CTNNA2: variants seen among roughly 807,000 people sequenced by gnomAD.
CTNNA2 encodes catenin alpha 2.
CTNNA2 carries 42 observed loss-of-function variants against 101.0 expected under a neutral mutation model. The ratio of observed to expected loss-of-function variants is 0.42; its 90% CI spans 0.32 to 0.54. The LOEUF is 0.54. CTNNA2 is among the 20% of genes least tolerant of loss of function. The pLI, the probability that CTNNA2 is intolerant of heterozygous loss-of-function variation, is 0.14. For missense variants in CTNNA2, 871 were observed against 1,223.1 expected (o/e 0.71, Z 4.29); for synonymous variants, 450 against 456.4 (o/e 0.99, Z 0.18).
At chr2:79,382,691 G>T (rs1476521278) in intron 4 of CTNNA2, among the ~76,000 whole-genome samples, 1 of 152,112 alleles carries the variant, frequency 6.6e-6, no homozygotes, top group Non-Finnish European at 1.5e-5. Flanking sequence ...TCGGCTCCCT[G>T]CAAGCTCTGC....
chr2:79,546,752 C>T (rs1215323717), intron 1 of CTNNA2, among the ~76,000 whole-genome samples: 1 of 152,150 alleles, frequency 6.6e-6, no homozygotes, highest in African/African-American at 2.4e-5. Context: ...CACTGGAATA[C>T]TGATTGATTG....
At chr2:79,340,636 G>A (rs113567005) in intron 3 of CTNNA2, among the ~76,000 whole-genome samples, 1,782 of 151,852 alleles carry the variant, frequency 0.012, 36 homozygotes, top group East Asian at 0.034. Context: ...GATAGAGACC[G>A]TCCTGGCTAA....
chr2:79,522,097 A>G (rs1558696011), intron 1 of CTNNA2, among the ~76,000 whole-genome samples: 1 of 152,228 alleles, frequency 6.6e-6, no homozygotes, highest in Admixed American at 6.5e-5. Flanking sequence ...AAGCCAAAAC[A>G]GTAATTATTT....
chr2:80,380,542 G>T (rs761477109), intron 7 of CTNNA2, among the ~76,000 whole-genome samples: 2 of 152,168 alleles, frequency 1.3e-5, no homozygotes, highest in Non-Finnish European at 2.9e-5. Context: ...ACTTTGTGTT[G>T]TCATAAGAAT....
chr2:79,306,187 A>G (rs974023427), intron 2 of CTNNA2, among the ~76,000 whole-genome samples: 1 of 152,188 alleles, frequency 6.6e-6, no homozygotes, highest in African/African-American at 2.4e-5. Context: ...AAAGAAATTG[A>G]ACTCACTCAA....
chr2:79,533,637 C>T (rs1209718160), intron 1 of CTNNA2, among the ~76,000 whole-genome samples: 1 of 152,016 alleles, frequency 6.6e-6, no homozygotes, highest in Non-Finnish European at 1.5e-5. Context: ...TTAATAATGG[C>T]ACATGTTCCT....
intron 7 of CTNNA2, among the ~76,000 whole-genome samples, chr2:79,948,536 T>G (rs1688656768): frequency 6.6e-6 from 1 of 152,218 alleles, no homozygotes; most frequent in Admixed American, 6.5e-5. Context: ...GCGTTATGAT[T>G]TTTGTTTTGT....
At chr2:79,344,406 A>G (rs936487363) in intron 3 of CTNNA2, among the ~76,000 whole-genome samples, 9 of 152,174 alleles carry the variant, frequency 5.9e-5, no homozygotes, top group African/African-American at 2.2e-4. Context: ...TGATATTACA[A>G]TCTCTGAATA....
intron 7 of CTNNA2, among the ~76,000 whole-genome samples, chr2:80,143,964 T>G (rs1393471418): frequency 6.6e-6 from 1 of 152,192 alleles, no homozygotes; most frequent in Non-Finnish European, 1.5e-5. Flanking sequence ...TAGTTGTCAT[T>G]AACAATTTCA....
intron 1 of CTNNA2, among the ~76,000 whole-genome samples, chr2:79,542,389 A>G (rs1205008918): frequency 6.6e-6 from 1 of 152,214 alleles, no homozygotes; most frequent in Non-Finnish European, 1.5e-5. Context: ...TTAAGCAGCA[A>G]AAGTTACTTT....
intron 7 of CTNNA2, among the ~76,000 whole-genome samples, chr2:80,062,702 C>CTTTTT (rs70940073): frequency 2.6e-5 from 3 of 117,508 alleles, no homozygotes; most frequent in Admixed American, 8.7e-5. Flanking sequence ...GCACTGTGAT[C>CTTTTT]TTTTTTTTTT....
chr2:79,329,103 C>T (rs1176859505), intron 3 of CTNNA2, among the ~76,000 whole-genome samples: 1 of 152,088 alleles, frequency 6.6e-6, no homozygotes, highest in Non-Finnish European at 1.5e-5. Context: ...TATGCAAAGA[C>T]CCTATTTCCA....
intron 1 of CTNNA2, among the ~76,000 whole-genome samples, chr2:79,191,408 T>C (rs1347768084): frequency 2.0e-5 from 3 of 152,176 alleles, no homozygotes; most frequent in African/African-American, 7.2e-5. Flanking sequence ...GTTGACCTTG[T>C]AGAGCTCTAG....
At chr2:80,590,686 T>C (rs1696409688) in intron 15 of CTNNA2, among the ~76,000 whole-genome samples, 1 of 152,142 alleles carries the variant, frequency 6.6e-6, no homozygotes, top group Non-Finnish European at 1.5e-5. Flanking sequence ...AGCTTGGCCC[T>C]TTTTCCCAAT....
intron 12 of CTNNA2, among the ~76,000 whole-genome samples, chr2:80,567,552 A>T (rs144481212): frequency 2.6e-5 from 4 of 152,268 alleles, no homozygotes; most frequent in African/African-American, 9.6e-5. Context: ...TCATCTAATT[A>T]GGGGGCCTCC....
In CTNNA2 at chr2:79,694,194, T is replaced by C. The variant is rs546142541; in HGVS notation, c.102+42536T>C. Among the ~76,000 whole-genome samples the C allele has an allele frequency of 2.8e-4, 43 of 152,098 alleles. 1 individual carries two copies. In the South Asian group the frequency reaches 7.9e-3, roughly 28 times the overall value. On this transcript the variant is annotated intron_variant, in intron 2 of 18. Coordinates refer to ENST00000402739, the MANE Select transcript of CTNNA2 (RefSeq NM_001282597.3). ...TTTAGAAATGTTACACATAAAACTT[T>C]AATGTTAAGGGAGACATTTAATGGC...
intron 9 of CTNNA2, among the ~76,000 whole-genome samples, chr2:80,485,009 T>G (rs552421790): frequency 6.6e-6 from 1 of 152,070 alleles, no homozygotes; most frequent in Admixed American, 6.6e-5. Flanking sequence ...CCGTCTTAAA[T>G]AATAATAATA....
At chr2:80,576,373 A>ATTTTTTTTTTTTT (rs5832458) in intron 13 of CTNNA2, 1 of 138,824 alleles carries the variant, frequency 7.2e-6, no homozygotes, top group Non-Finnish European at 1.5e-5. Context: ...CCATGAAACC[A>ATTTTTTTTTTTTT]TTTTTTTTTT....
intron 8 of CTNNA2, among the ~76,000 whole-genome samples, chr2:80,395,497 C>T (rs889968598): frequency 3.9e-5 from 6 of 152,150 alleles, no homozygotes; most frequent in African/African-American, 1.4e-4. Flanking sequence ...CTTTGCCTCC[C>T]CATGTACACC....
Sources: allele counts gnomAD v4.1 joint callset (sites outside exome capture counted in the v4.1 genomes callset), GRCh38; gene constraint gnomAD v4.1.1; transcripts MANE v1.5; gene names NCBI Gene and HGNC (gene_info 2026-07-23, HGNC 2026-07-21).